The following MALRD1 variants were observed in gnomAD, a reference collection of about 807,000 sequenced individuals.
The protein encoded by MALRD1 is MAM and LDL-receptor class A domain-containing protein 1.
MALRD1 carries 247 observed loss-of-function variants against 242.1 expected under a neutral mutation model. The observed-to-expected ratio is 1.02, with a 90% CI of 0.92 to 1.13. The LOEUF (loss-of-function observed/expected upper bound fraction) is 1.13. MALRD1 is among the 50% of genes most tolerant of loss of function. MALRD1 has a pLI of 0.00. For missense variants in MALRD1, 2,989 were observed against 2,533.1 expected, an observed-to-expected ratio of 1.18 and a Z score of -3.86; for synonymous variants, 995 against 866.6, an observed-to-expected ratio of 1.15 and a Z score of -2.60.
chr10:19,622,937 G>A (rs780778874), intron 36 of MALRD1, among the ~76,000 whole-genome samples: 2 of 151,854 alleles, frequency 1.3e-5, no homozygotes, highest in South Asian at 2.1e-4. Context: ...GGGAGTATTG[G>A]GGCAACTAGT....
intron 33 of MALRD1, among the ~76,000 whole-genome samples, chr10:19,592,298 A>G (rs1354131252): frequency 6.6e-6 from 1 of 152,230 alleles, no homozygotes; most frequent in Non-Finnish European, 1.5e-5. Context: ...ATGCAGGTGC[A>G]ATAAGAGGCT....
At chr10:19,694,473 T>G (rs1208960591) in intron 38 of MALRD1, among the ~76,000 whole-genome samples, 1 of 152,100 alleles carries the variant, frequency 6.6e-6, no homozygotes, top group African/African-American at 2.4e-5. Flanking sequence ...CATGAAAAAA[T>G]GCTCATCATC....
intron 36 of MALRD1, among the ~76,000 whole-genome samples, chr10:19,620,675 A>T (rs1839361888): frequency 6.6e-6 from 1 of 152,064 alleles, no homozygotes; most frequent in South Asian, 2.1e-4. Flanking sequence ...GAAAATAAAG[A>T]TCATGTCTTC....
chr10:19,393,532 G>A (rs908243859), intron 28 of MALRD1, among the ~76,000 whole-genome samples: 9 of 137,574 alleles, frequency 6.5e-5, no homozygotes, highest in South Asian at 4.6e-4. Flanking sequence ...TGCAAGCTCC[G>A]TCTCCCGGGT....
intron 10 of MALRD1, among the ~76,000 whole-genome samples, chr10:19,145,889 C>G (rs1833711208): frequency 6.6e-6 from 1 of 151,972 alleles, no homozygotes; most frequent in Non-Finnish European, 1.5e-5. Context: ...TTATACTGGG[C>G]AAGCAAATTA....
intron 33 of MALRD1, among the ~76,000 whole-genome samples, chr10:19,588,542 C>G (rs937968990): frequency 8.5e-5 from 13 of 152,188 alleles, no homozygotes; most frequent in African/African-American, 3.1e-4. Context: ...CCTGACAAAG[C>G]ACAAGTATAG....
intron 5 of MALRD1, among the ~76,000 whole-genome samples, chr10:19,110,522 A>G (rs55703175): frequency 0.066 from 10,057 of 152,272 alleles, 483 homozygotes; most frequent in East Asian, 0.27. Context: ...GTCGTCCTCA[A>G]TGCTGTTTCA....
chr10:19,337,156 GTA>G (rs1843649051), intron 24 of MALRD1, among the ~76,000 whole-genome samples: 1 of 151,690 alleles, frequency 6.6e-6, no homozygotes, highest in African/African-American at 2.4e-5. Flanking sequence ...GTGTGTATGT[GTA>G]TATGTACATA....
At chr10:19,514,409 C>T (rs1251790039) in intron 31 of MALRD1, among the ~76,000 whole-genome samples, 1 of 152,096 alleles carries the variant, frequency 6.6e-6, no homozygotes, top group Non-Finnish European at 1.5e-5. Flanking sequence ...TTTTACACCT[C>T]TCTTTTAATC....
chr10:19,252,261 C>G (rs72796416), intron 18 of MALRD1, among the ~76,000 whole-genome samples: 11,984 of 152,066 alleles, frequency 0.079, 609 homozygotes, highest in Non-Finnish European at 0.11. Flanking sequence ...ACCAATCTGA[C>G]TCAAGAGCAC....
intron 36 of MALRD1, among the ~76,000 whole-genome samples, chr10:19,663,485 A>T (rs1163678369): frequency 6.6e-6 from 1 of 152,162 alleles, no homozygotes; most frequent in Non-Finnish European, 1.5e-5. Flanking sequence ...TGCAGTGAAC[A>T]TACAAATGCA....
intron 29 of MALRD1, among the ~76,000 whole-genome samples, chr10:19,474,830 A>G (rs1836653929): frequency 2.0e-5 from 3 of 152,136 alleles, no homozygotes; most frequent in Admixed American, 1.3e-4. Flanking sequence ...AAATCTTACT[A>G]GAACCCATTT....
At chr10:19,488,980 G>A (rs1837351858) in intron 29 of MALRD1, 1 of 439,660 alleles carries the variant, frequency 2.3e-6, no homozygotes, top group East Asian at 7.1e-5. Flanking sequence ...GGAGAAGGCG[G>A]GCTCCCAATC....
chr10:19,049,907 A>ATATTTCAGCAATCT (rs1834434179), intron 1 of MALRD1, among the ~76,000 whole-genome samples: 1 of 152,116 alleles, frequency 6.6e-6, no homozygotes, highest in Non-Finnish European at 1.5e-5. Flanking sequence ...TTCAGGGTTC[A>ATATTTCAGCAATCT]CCATATTTCA....
chr10:19,694,008 A>G (rs1833239655), intron 38 of MALRD1, among the ~76,000 whole-genome samples: 1 of 152,146 alleles, frequency 6.6e-6, no homozygotes, highest in Non-Finnish European at 1.5e-5. Context: ...GGTGCTGGGA[A>G]AACTGGCTAG....
At chr10:19,294,708 A>G (rs532825111) in intron 21 of MALRD1, among the ~76,000 whole-genome samples, 4 of 152,200 alleles carry the variant, frequency 2.6e-5, no homozygotes, top group African/African-American at 9.6e-5. Flanking sequence ...GTTGGATAAT[A>G]TAAGTTAACT....
intron 2 of MALRD1, among the ~76,000 whole-genome samples, chr10:19,070,166 G>A (rs1483981026): frequency 6.6e-6 from 1 of 152,032 alleles, no homozygotes; most frequent in African/African-American, 2.4e-5. Flanking sequence ...AAGAAATCAA[G>A]TACAGATGCT....
Position 19,447,737 on chromosome 10 carries a change from G to T in MALRD1, c.4846-2570G>T, listed in dbSNP as rs552180112. Among the ~76,000 whole-genome samples the T allele has an allele frequency of 2.2e-4, 17 of 75,728 alleles. No individual in the cohort carries two copies. The South Asian group carries it at 6.1e-3, about 27-fold the overall frequency. 49.7% of individuals were successfully genotyped at this position (75,728 alleles called of 152,430 possible). A position where few individuals can be genotyped will look rare whatever the true frequency, so the allele number is the denominator to read the frequency against. ...CTGTAATATTGCTAGGAGTCAGATAGACCACCCTTTCCTTTAATTTTTAAT... is the reference window on the plus strand; with the variant it reads ...CTGTAATATTGCTAGGAGTCAGATATACCACCCTTTCCTTTAATTTTTAAT... On this transcript the variant is annotated intron_variant, in intron 28 of 39. Transcript: ENST00000454679.
At chr10:19,232,531 T>C (rs1428375033) in intron 18 of MALRD1, among the ~76,000 whole-genome samples, 1 of 152,080 alleles carries the variant, frequency 6.6e-6, no homozygotes, top group Non-Finnish European at 1.5e-5. Flanking sequence ...AAAAGTCTCC[T>C]TGGACTCAAA....
Sources: gnomAD v4.1 joint callset for allele counts (sites outside exome capture counted in the v4.1 genomes callset) on GRCh38, gnomAD v4.1.1 for gene constraint, MANE v1.5 for transcripts, NCBI Gene and HGNC (gene_info 2026-07-23, HGNC 2026-07-21) for gene names.